Variants in HEPHL1 observed in about 807,000 individuals in gnomAD.
HEPHL1 encodes ferroxidase HEPHL1.
In HEPHL1, 123 loss-of-function variants were observed where a neutral mutation model predicts 122.0. The observed-to-expected ratio is 1.01, with a 90% CI of 0.87 to 1.17. The LOEUF (loss-of-function observed/expected upper bound fraction) is 1.17, where lower values mean the gene tolerates loss of function less well. Among genes scored for constraint, HEPHL1 ranks in the 50% most tolerant of loss-of-function variants. HEPHL1 has a pLI of 0.00. For synonymous variants in HEPHL1, 527 were observed against 508.9 expected, an observed-to-expected ratio of 1.04 and a Z score of -0.48; for missense variants, 1,452 against 1,430.5, an observed-to-expected ratio of 1.01 and a Z score of -0.24.
intron 3 of HEPHL1, 125 bp from the exon 4 acceptor site, chr11:94,064,206 A>G (rs1426706808): frequency 4.9e-6 from 3 of 617,834 alleles, no homozygotes; most frequent in South Asian, 5.1e-5. Context: ...CTGATTTTAT[A>G]TGGTGGGTTA....
intron 10 of HEPHL1, 108 bp downstream of exon 10, chr11:94,082,676 C>G (rs1363948068): frequency 9.7e-7 from 1 of 1,036,228 alleles, no homozygotes; most frequent in Admixed American, 2.7e-5. Context: ...GGATATTGTT[C>G]TTGGTCATGA....
rs1008700072 is a variant in HEPHL1, at chr11:94,075,371, G to A, written c.1702G>A (p.Ala568Thr). The change falls in exon 9 of 20, where the codon GCT becomes ACT. Residue 568 changes from alanine to threonine, a missense_variant. Coordinates refer to ENST00000315765, the MANE Select transcript of HEPHL1 (RefSeq NM_001098672.2). ...LLVCKKGVLN[A>T]DGTQKGIDKE... ...AGTCTGTAAAAAGGGCGTCCTCAAT[G>A]CTGATGGGACACAGGTAGGCCATTG... 1 of 1,612,404 alleles carries A rather than the reference G, an allele frequency of 6.2e-7. No individual in the cohort carries two copies.
chr11:94,093,550 T>C lies in HEPHL1; in HGVS notation c.2344T>C (p.Tyr782His). Residue 782 changes from tyrosine to histidine, a missense_variant, in exon 13 of 20, where the codon TAC becomes CAC. Physicochemically the swap from Tyr to His is moderately conservative, Grantham distance 83 (BLOSUM62 2). Transcript: ENST00000315765. ...NRTENWIGSQ[Y>H]KKVVYREYTD... is the part of the protein sequence containing the mutation. Reference sequence around the variant, plus strand: ...CACTGAAAATTGGATTGGCTCTCAGTACAAGAAGGTGGTTTACAGGGAATA... The same window carrying C: ...CACTGAAAATTGGATTGGCTCTCAGCACAAGAAGGTGGTTTACAGGGAATA... 6.2e-7 allele frequency: 1 copy of C among 1,613,768 alleles called. No homozygotes were observed. Among genetic ancestry groups the C allele is most frequent in the Non-Finnish European group, 8.5e-7 (1 of 1,179,810 alleles).
chr11:94,022,595 GT>G (rs1265064590), intron 1 of HEPHL1, among the ~76,000 whole-genome samples: 4 of 152,232 alleles, frequency 2.6e-5, no homozygotes, highest in African/African-American at 9.6e-5. Context: ...GTATAGTCAT[GT>G]TTTGTTTACC....
intron 2 of HEPHL1, among the ~76,000 whole-genome samples, chr11:94,052,289 T>G (rs1256253008): frequency 6.6e-6 from 1 of 152,100 alleles, no homozygotes; most frequent in Non-Finnish European, 1.5e-5. Flanking sequence ...CCTCTTCAAT[T>G]TCTTTCATCA....
intron 2 of HEPHL1, among the ~76,000 whole-genome samples, chr11:94,058,147 T>C (rs1945955541): frequency 6.6e-6 from 1 of 152,204 alleles, no homozygotes; most frequent in Admixed American, 6.5e-5. Flanking sequence ...AATCTTATAT[T>C]CTCTGCTAGT....
intron 17 of HEPHL1, among the ~76,000 whole-genome samples, chr11:94,109,377 G>A (rs1214455569): frequency 1.3e-5 from 2 of 152,102 alleles, no homozygotes; most frequent in African/African-American, 4.8e-5. Context: ...GCTAGGACCT[G>A]TAGTGCAATT....
chr11:94,049,249 A>G (rs1945868403), intron 2 of HEPHL1, among the ~76,000 whole-genome samples: 1 of 152,170 alleles, frequency 6.6e-6, no homozygotes, highest in African/African-American at 2.4e-5. Flanking sequence ...GGGAAATGCA[A>G]ATCAGAACTA....
At chr11:94,082,965 T>G (rs555332394) in intron 10 of HEPHL1, among the ~76,000 whole-genome samples, 1 of 152,180 alleles carries the variant, frequency 6.6e-6, no homozygotes, top group African/African-American at 2.4e-5. Flanking sequence ...GGTGCGTGCC[T>G]ATATTCCCAG....
chr11:94,075,468 C>T (rs1946114368), intron 9 of HEPHL1, 83 bp downstream of exon 9: 1 of 1,033,982 alleles, frequency 9.7e-7, no homozygotes, highest in Admixed American at 2.1e-5. Flanking sequence ...CAGGAATAGT[C>T]AGTTACAAAA....
At position 94,093,566 on chromosome 11, in the gene HEPHL1, A is replaced by G. The variant is rs776289469; in HGVS notation, c.2360A>G (p.Tyr787Cys). 80 of 1,613,768 alleles carry G rather than the reference A, an allele frequency of 5.0e-5. No homozygotes were observed. Among genetic ancestry groups the G allele is most frequent in the Non-Finnish European group, 6.7e-5 (79 of 1,179,854 alleles). Residue 787 changes from tyrosine (Y) to cysteine (C), a missense_variant, in exon 13 of 20, where the codon TAC becomes TGC. Tyr to Cys is a radical substitution (Grantham distance 194). Transcript: ENST00000315765. ...WIGSQYKKVV[Y>C]REYTDGEFVE... ...GGCTCTCAGTACAAGAAGGTGGTTT[A>G]CAGGGAATATACGGATGGAGAATTT...
rs890010288 is a variant in HEPHL1, at chr11:94,075,254, A to G, written c.1585A>G (p.Thr529Ala). 3.1e-6 allele frequency: 5 copies of G among 1,613,546 alleles called. No homozygotes were observed. Among genetic ancestry groups the G allele is most frequent in the Admixed American group, 3.3e-5 (2 of 59,904 alleles). Residue 529 changes from threonine to alanine, a missense_variant, in exon 9 of 20, where the codon ACT becomes GCT. By Grantham distance (58) the Thr-to-Ala change is moderately conservative (BLOSUM62 0). Coordinates refer to ENST00000315765, the MANE Select transcript of HEPHL1 (RefSeq NM_001098672.2). ...GACAGTGCCTGAGAGCGTAAGCCCA[A>G]CTGCTGGTGATCCTCCCTGTCTGAC... ...KWTVPESVSP[T>A]AGDPPCLTYL...
At chr11:94,064,742 A>C (rs770679232) in intron 4 of HEPHL1, among the ~76,000 whole-genome samples, 2 of 152,206 alleles carry the variant, frequency 1.3e-5, no homozygotes, top group African/African-American at 4.8e-5. Flanking sequence ...GGACAAAGCC[A>C]CAGGGCTTTG....
intron 1 of HEPHL1, among the ~76,000 whole-genome samples, chr11:94,028,450 C>A (rs905190548): frequency 4.6e-5 from 7 of 152,120 alleles, no homozygotes; most frequent in African/African-American, 1.7e-4. Flanking sequence ...AGGGGATTCC[C>A]AAGGGCAGGT....
intron 9 of HEPHL1, among the ~76,000 whole-genome samples, chr11:94,078,446 C>CATATAT (rs6144452): frequency 0.01 from 1,119 of 111,390 alleles, 43 homozygotes; most frequent in African/African-American, 0.035. Context: ...TCAGATGTTC[C>CATATAT]ATATATATAT....
chr11:94,091,222 C>G (rs1407159921), intron 12 of HEPHL1, among the ~76,000 whole-genome samples: 1 of 152,202 alleles, frequency 6.6e-6, no homozygotes, highest in African/African-American at 2.4e-5. Flanking sequence ...TGCTCAGCAT[C>G]TCTTGCACCA....
intron 12 of HEPHL1, among the ~76,000 whole-genome samples, chr11:94,089,648 A>C (rs1225420384): frequency 1.3e-5 from 2 of 152,152 alleles, no homozygotes; most frequent in Non-Finnish European, 2.9e-5. Flanking sequence ...CCTAGGGTGC[A>C]CTGGGATGGA....
chr11:94,050,119 G>C (rs1207193275), intron 2 of HEPHL1, among the ~76,000 whole-genome samples: 1 of 152,112 alleles, frequency 6.6e-6, no homozygotes, highest in African/African-American at 2.4e-5. Flanking sequence ...GAATGGAATA[G>C]TTTTCTTAAT....
intron 9 of HEPHL1, among the ~76,000 whole-genome samples, chr11:94,078,503 T>C: frequency 8.1e-6 from 1 of 123,438 alleles, no homozygotes; most frequent in East Asian, 2.3e-4. Context: ...AGAGAGATAT[T>C]TATTATGAGG....
Sources: allele counts gnomAD v4.1 joint callset (sites outside exome capture counted in the v4.1 genomes callset), GRCh38; gene constraint gnomAD v4.1.1; transcripts MANE v1.5; gene names NCBI Gene and HGNC (gene_info 2026-07-23, HGNC 2026-07-21).